The following DLGAP2 variants were observed in gnomAD, a reference collection of about 807,000 sequenced individuals.
DLGAP2 encodes the protein disks large-associated protein 2.
In DLGAP2, 26 loss-of-function variants were observed where a neutral mutation model predicts 100.3. That is an observed-to-expected ratio of 0.26 (90% CI 0.19 to 0.36). The LOEUF (loss-of-function observed/expected upper bound fraction) is 0.36. Ranked by LOEUF, DLGAP2 falls within the 10% of genes least tolerant of loss-of-function variation. DLGAP2 has a pLI of 1.00. For missense variants in DLGAP2, 1,858 were observed against 1,453.2 expected, an observed-to-expected ratio of 1.28 and a Z score of -4.53; for synonymous variants, 886 against 630.1, an observed-to-expected ratio of 1.41 and a Z score of -6.08.
chr8:1,491,712 C>T (rs1302681432), intron 3 of DLGAP2, among the ~76,000 whole-genome samples: 1 of 152,210 alleles, frequency 6.6e-6, no homozygotes, highest in Non-Finnish European at 1.5e-5. Flanking sequence ...AGTTTCACCA[C>T]AGGCAGATAC....
At chr8:1,249,592 A>G (rs1053076533) in intron 2 of DLGAP2, among the ~76,000 whole-genome samples, 2 of 152,196 alleles carry the variant, frequency 1.3e-5, no homozygotes, top group Non-Finnish European at 2.9e-5. Context: ...CCACAGGCAA[A>G]TCACTTCATT....
intron 3 of DLGAP2, among the ~76,000 whole-genome samples, chr8:1,374,077 T>TA (rs1802325943): frequency 6.8e-5 from 10 of 147,506 alleles, no homozygotes; most frequent in Admixed American, 2.9e-4. Context: ...GACGGCTGTG[T>TA]GGTGGAGGTT....
chr8:1,165,700 G>T (rs968893436), intron 2 of DLGAP2, among the ~76,000 whole-genome samples: 1 of 152,030 alleles, frequency 6.6e-6, no homozygotes, highest in Non-Finnish European at 1.5e-5. Context: ...AGCTCAGTTT[G>T]CTGTGCAGGT....
At chr8:1,319,185 C>T (rs1349819793) in intron 3 of DLGAP2, among the ~76,000 whole-genome samples, 2 of 152,146 alleles carry the variant, frequency 1.3e-5, no homozygotes, top group African/African-American at 4.8e-5. Flanking sequence ...CATGGCTCCC[C>T]TCCCTCCTCC....
intron 2 of DLGAP2, among the ~76,000 whole-genome samples, chr8:979,012 C>G (rs147154243): frequency 1.4e-4 from 21 of 152,228 alleles, no homozygotes; most frequent in African/African-American, 4.3e-4. Flanking sequence ...GGGTCACTCC[C>G]CAGCTTGTTC....
intron 1 of DLGAP2, among the ~76,000 whole-genome samples, chr8:749,359 A>C (rs1412741109): frequency 1.3e-5 from 2 of 152,226 alleles, no homozygotes; most frequent in African/African-American, 4.8e-5. Flanking sequence ...ATTACAAGTC[A>C]GCAATAATTC....
chr8:1,206,848 G>A (rs970656126), intron 2 of DLGAP2, among the ~76,000 whole-genome samples: 5 of 152,158 alleles, frequency 3.3e-5, no homozygotes, highest in African/African-American at 7.2e-5. Context: ...GACACAGCAA[G>A]GTTTTCCTAT....
At chr8:1,352,522 T>A (rs907279587) in intron 3 of DLGAP2, among the ~76,000 whole-genome samples, 1 of 152,188 alleles carries the variant, frequency 6.6e-6, no homozygotes, top group Non-Finnish European at 1.5e-5. Context: ...AGTGCCACCA[T>A]GACATTAATA....
intron 2 of DLGAP2, among the ~76,000 whole-genome samples, chr8:1,254,806 A>G (rs1298447105): frequency 6.7e-6 from 1 of 149,394 alleles, no homozygotes; most frequent in South Asian, 2.1e-4. Flanking sequence ...CACGCAGTTC[A>G]CTGCGCTCCC....
At chr8:1,067,134 C>T (rs1803279756) in intron 2 of DLGAP2, among the ~76,000 whole-genome samples, 1 of 152,210 alleles carries the variant, frequency 6.6e-6, no homozygotes. Context: ...CCTCTGTGAT[C>T]TTCCCATTCT....
chr8:1,335,905 C>T (rs1478643592), intron 3 of DLGAP2, among the ~76,000 whole-genome samples: 1 of 151,514 alleles, frequency 6.6e-6, no homozygotes, highest in Non-Finnish European at 1.5e-5. Flanking sequence ...ACGCGGGAGG[C>T]ATCAGGACCC....
At chr8:1,299,333 T>G (rs1379437722) in intron 3 of DLGAP2, among the ~76,000 whole-genome samples, 2 of 152,230 alleles carry the variant, frequency 1.3e-5, no homozygotes, top group Non-Finnish European at 2.9e-5. Flanking sequence ...CAGTGGTGTC[T>G]CCACCATACA....
chr8:1,496,122 C>G (rs755678437), intron 3 of DLGAP2, among the ~76,000 whole-genome samples: 2 of 152,170 alleles, frequency 1.3e-5, no homozygotes, highest in African/African-American at 4.8e-5. Flanking sequence ...GTAAGTCTAC[C>G]CTAAGGCTAT....
Position 927,367 on chromosome 8 carries a change from G to A in DLGAP2, c.73+19401G>A, listed in dbSNP as rs993770515. 2.0e-5 allele frequency among the ~76,000 whole-genome samples: 3 copies of A among 152,264 alleles called. No individual in the cohort carries two copies. The East Asian group carries it at 5.8e-4, about 29-fold the overall frequency. ...ACCGTGACTGTAGCACTTTGTGGGG[G>A]TGTGTTTAAAACGTTCTGGTCCCCA... is the stretch of plus-strand genomic sequence containing the variant. On this transcript the variant is annotated intron_variant, in intron 2 of 14. Transcript: ENST00000637795.
chr8:1,431,820 G>C lies in DLGAP2; in HGVS notation c.107-69546G>C, dbSNP rs377491322. On this transcript the variant is annotated intron_variant, in intron 3 of 14. Transcript: ENST00000637795. The stretch of plus-strand genomic sequence containing the variant: ...ATGCGTGCATGACAGGGACTCTTCT[G>C]ATGCCTCCGTGTCGATGGCCACCAA... 4.6e-4 allele frequency among the ~76,000 whole-genome samples: 70 copies of C among 152,302 alleles called. No individual in the cohort carries two copies. In the South Asian group the frequency reaches 0.01, roughly 22 times the overall value.
chr8:1,040,460 G>A (rs1187426997), intron 2 of DLGAP2, among the ~76,000 whole-genome samples: 58 of 137,794 alleles, frequency 4.2e-4, no homozygotes, highest in East Asian at 9.5e-4. Flanking sequence ...TTCCGTGGTC[G>A]TCTCGGTGTG....
chr8:1,611,030 C>T (rs1455192935), intron 6 of DLGAP2, among the ~76,000 whole-genome samples: 1 of 139,150 alleles, frequency 7.2e-6, no homozygotes, highest in Admixed American at 7.2e-5. Flanking sequence ...TCCTCCCTAA[C>T]TCATTTTATG....
intron 2 of DLGAP2, among the ~76,000 whole-genome samples, chr8:1,011,453 A>G (rs200587101): frequency 1.4e-5 from 2 of 145,658 alleles, no homozygotes; most frequent in African/African-American, 5.2e-5. Flanking sequence ...CTACACAGTG[A>G]GCCCTGGAAT....
At chr8:1,087,309 C>T (rs1386932440) in intron 2 of DLGAP2, among the ~76,000 whole-genome samples, 3 of 151,970 alleles carry the variant, frequency 2.0e-5, no homozygotes, top group Non-Finnish European at 4.4e-5. Flanking sequence ...TTTAGTATGC[C>T]CAGACTCTTT....
Sources: gnomAD v4.1 joint callset for allele counts (sites outside exome capture counted in the v4.1 genomes callset) on GRCh38, gnomAD v4.1.1 for gene constraint, MANE v1.5 for transcripts, NCBI Gene and HGNC (gene_info 2026-07-23, HGNC 2026-07-21) for gene names.